The following DNAH17 variants were observed in gnomAD, a reference collection of about 807,000 sequenced individuals.
DNAH17 encodes the protein dynein axonemal heavy chain 17.
In DNAH17, 376 loss-of-function variants were observed where a neutral mutation model predicts 485.6. That is an observed-to-expected ratio of 0.77 (90% CI 0.71 to 0.84). The LOEUF (loss-of-function observed/expected upper bound fraction) is 0.84, where lower values mean the gene tolerates loss of function less well. Ranked by LOEUF, DNAH17 falls within the 40% of genes least tolerant of loss-of-function variation. The pLI is 0.00. For synonymous variants in DNAH17, 3,031 were observed against 2,405.9 expected, an observed-to-expected ratio of 1.26 and a Z score of -7.60; for missense variants, 6,370 against 5,839.3, an observed-to-expected ratio of 1.09 and a Z score of -2.96.
In DNAH17 at chr17:78,570,275, T is replaced by G; in HGVS notation, c.1016A>C (p.Gln339Pro). 1 of 1,593,948 alleles carries G rather than the reference T, an allele frequency of 6.3e-7. No homozygotes were observed. The highest frequency in any genetic ancestry group is 8.5e-7 in the Non-Finnish European group (1 of 1,170,460). The change falls in exon 7 of 81, where the codon CAG becomes CCG. Residue 339 changes from glutamine to proline, a missense_variant. Physicochemically the swap from Gln to Pro is moderately conservative, Grantham distance 76. Transcript: ENST00000389840. ...NTPARIIVIL[Q>P]EFCNQIIEMT... is the part of the protein sequence containing the mutation. ...CTCGATGATTTGGTTGCAGAACTCC[T>G]GCAGGATGACGATGATCCTGGCAGG... is the stretch of plus-strand genomic sequence containing the variant.
At chr17:78,514,352 A>C (rs181319721) in intron 26 of DNAH17, among the ~76,000 whole-genome samples, 2 of 151,918 alleles carry the variant, frequency 1.3e-5, no homozygotes, top group Non-Finnish European at 2.9e-5. Context: ...TAAAAATACA[A>C]AAATTAGCTG....
chr17:78,456,483 A>T (rs1197120733), intron 62 of DNAH17, among the ~76,000 whole-genome samples: 1 of 152,158 alleles, frequency 6.6e-6, no homozygotes, highest in Non-Finnish European at 1.5e-5. Flanking sequence ...GATACCACAG[A>T]GCACTGTCTC....
intron 80 of DNAH17, chr17:78,425,059 G>A (rs1383574793): frequency 2.3e-5 from 7 of 299,046 alleles, no homozygotes; most frequent in East Asian, 1.3e-4. Flanking sequence ...TTTTCATCAC[G>A]TCGGAGCTGC....
At chr17:78,514,680 C>CT in intron 26 of DNAH17, 94 bp downstream of exon 26, 1 of 1,493,824 alleles carries the variant, frequency 6.7e-7, no homozygotes, top group Non-Finnish European at 8.9e-7. Flanking sequence ...GCATCGGGCC[C>CT]TGAACACCTT....
chr17:78,506,837 G>T lies in DNAH17; in HGVS notation c.4686C>A (p.Ile1562=). ...AATACTCTGCCAAAGCCTTTTCACAGATGGCCAAGCTGGGAGGAAGGAAGG... is the reference window on the plus strand; with the variant it reads ...AATACTCTGCCAAAGCCTTTTCACATATGGCCAAGCTGGGAGGAAGGAAGG... ...KLEALKKSLA[I]CEKALAEYLE... The change falls in exon 30 of 81, where the codon ATC becomes ATA. Residue 1562 remains isoleucine, a synonymous_variant. Transcript: ENST00000389840. 5 of 1,613,972 alleles carry T rather than the reference G, an allele frequency of 3.1e-6. No homozygotes were observed. The highest frequency in any genetic ancestry group is 4.2e-6 in the Non-Finnish European group (5 of 1,179,876).
At chr17:78,441,781 A>C (rs913665106) in intron 71 of DNAH17, among the ~76,000 whole-genome samples, 8 of 152,104 alleles carry the variant, frequency 5.3e-5, no homozygotes, top group Non-Finnish European at 1.2e-4. Context: ...AGAATGAATC[A>C]CCTGAGCTAA....
chr17:78,571,653 C>G lies in DNAH17; in HGVS notation c.669G>C (p.Leu223=). Residue 223 remains leucine, a synonymous_variant, in exon 4 of 81, where the codon CTG becomes CTC. Transcript: ENST00000389840. ...AQALLDGLHP[L]PQVEFEFWDT... is the part of the protein sequence containing the mutation. ...CCCAGAACTCGAACTCCACTTGGGGCAGGGGGTGCAGCCCATCCAGCAGCG... is the reference window on the plus strand; with the variant it reads ...CCCAGAACTCGAACTCCACTTGGGGGAGGGGGTGCAGCCCATCCAGCAGCG... The G allele has an allele frequency of 6.2e-7, 1 of 1,614,018 alleles. No individual in the cohort carries two copies. Among genetic ancestry groups the G allele is most frequent in the Non-Finnish European group, 8.5e-7 (1 of 1,179,902 alleles).
rs540128532 is a variant in DNAH17, at chr17:78,543,248, G to A, written c.2532+609C>T. 8.2e-4 allele frequency among the ~76,000 whole-genome samples: 125 copies of A among 152,256 alleles called. 1 individual carries two copies. The highest frequency in any genetic ancestry group is 2.9e-3 in the African/African-American group (119 of 41,546). Reference sequence around the variant, plus strand: ...TCCTGCCTCAGCCTCCCGAGTAGCTGGGATTACAGGCATGTGCCAACGTGC... The same window carrying A: ...TCCTGCCTCAGCCTCCCGAGTAGCTAGGATTACAGGCATGTGCCAACGTGC... On this transcript the variant is annotated intron_variant, in intron 17 of 80. Coordinates refer to ENST00000389840, the MANE Select transcript of DNAH17 (RefSeq NM_173628.4).
intron 54 of DNAH17, among the ~76,000 whole-genome samples, chr17:78,471,411 T>C (rs1465483430): frequency 6.6e-6 from 1 of 152,230 alleles, no homozygotes; most frequent in Non-Finnish European, 1.5e-5. Context: ...GAGCGTAGTG[T>C]GAGAGCCAGC....
In DNAH17 at chr17:78,484,864, T is replaced by C. The variant is rs1386096239; in HGVS notation, c.7649+4A>G. 66 of 1,545,772 alleles carry C rather than the reference T, an allele frequency of 4.3e-5. No homozygotes were observed. The highest frequency in any genetic ancestry group is 5.4e-5 in the Non-Finnish European group (62 of 1,144,182). On this transcript the variant is annotated splice_donor_region_variant and intron_variant, in intron 48 of 80. Coordinates refer to ENST00000389840, the MANE Select transcript of DNAH17 (RefSeq NM_173628.4). ...CCTTCCCCTCCGGCCCCGCCCCGTC[T>C]AACCAGTGCCGGTGGTCCATGTGCT...
intron 26 of DNAH17, among the ~76,000 whole-genome samples, chr17:78,511,627 C>T (rs1226552668): frequency 6.6e-6 from 1 of 152,238 alleles, no homozygotes; most frequent in Non-Finnish European, 1.5e-5. Context: ...CAAATCGCTT[C>T]CACGTCCCTT....
At position 78,502,745 on chromosome 17, in the gene DNAH17, C is replaced by T. The variant is rs181122351; in HGVS notation, c.5083-47G>A. 314 of 1,597,562 alleles carry T rather than the reference C, an allele frequency of 2.0e-4. 3 individuals are homozygous for T. In the African/African-American group the frequency reaches 2.4e-3, roughly 12 times the overall value. ...TGCCCACGCAGTGAGCGATCGCTGG[C>T]GCCTGCTAACGCAGACATTCCTGCT... is the stretch of plus-strand genomic sequence containing the variant. On this transcript the variant is annotated intron_variant, in intron 32 of 80. Transcript: ENST00000389840.
At chr17:78,438,445 G>GGAGGAGGAGGAGGGAGGA (rs1473139795) in intron 73 of DNAH17, among the ~76,000 whole-genome samples, 4 of 7,594 alleles carry the variant, frequency 5.3e-4, no homozygotes, top group Non-Finnish European at 1.1e-3. Flanking sequence ...AGGAGGAGGA[G>GGAGGAGGAGGAGGGAGGA]GGAGGAGGGA....
chr17:78,527,059 G>A, intron 22 of DNAH17, 63 bp from the exon 23 acceptor site: 1 of 1,358,110 alleles, frequency 7.4e-7, no homozygotes, highest in South Asian at 1.3e-5. Context: ...CTTCTATTGT[G>A]AAATAATTAG....
At chr17:78,544,923 A>G (rs953219578) in intron 16 of DNAH17, among the ~76,000 whole-genome samples, 1 of 151,580 alleles carries the variant, frequency 6.6e-6, no homozygotes, top group Non-Finnish European at 1.5e-5. Flanking sequence ...TGATACATAT[A>G]TGGTAACAAA....
rs763159364 is a variant in DNAH17, at chr17:78,502,642, G to A, written c.5139C>T (p.Ala1713=). Residue 1713 remains alanine (A), a synonymous_variant, in exon 33 of 81, where the codon GCC becomes GCT. Coordinates refer to ENST00000389840, the MANE Select transcript of DNAH17 (RefSeq NM_173628.4). ...WWTTEVGLAF[A]RLEEGYENAI... is the part of the protein sequence containing the mutation. ...CGTTTTCATAGCCTTCCTCCAGCCT[G>A]GCAAATGCCAGGCCCACCTCGGTCG... 6.2e-7 allele frequency: 1 copy of A among 1,612,686 alleles called. No individual in the cohort carries two copies. The highest frequency in any genetic ancestry group is 1.3e-5 in the African/African-American group (1 of 74,952).
chr17:78,568,783 G>T (rs1011521806), intron 9 of DNAH17, among the ~76,000 whole-genome samples: 1 of 152,164 alleles, frequency 6.6e-6, no homozygotes, highest in Non-Finnish European at 1.5e-5. Flanking sequence ...TCTGCTGTGC[G>T]TCACTCCGTG....
chr17:78,440,308 G>A (rs2087024213), intron 72 of DNAH17, among the ~76,000 whole-genome samples: 1 of 139,290 alleles, frequency 7.2e-6, no homozygotes, highest in Admixed American at 7.6e-5. Flanking sequence ...CCAGGCTGGA[G>A]TGAAGTGGCT....
At chr17:78,427,560 C>A (rs1364781585) in intron 77 of DNAH17, among the ~76,000 whole-genome samples, 7 of 152,198 alleles carry the variant, frequency 4.6e-5, no homozygotes, top group African/African-American at 1.4e-4. Context: ...TGATTTCAGT[C>A]ATTAGACTAA....
Sources: allele counts gnomAD v4.1 joint callset (sites outside exome capture counted in the v4.1 genomes callset), GRCh38; gene constraint gnomAD v4.1.1; transcripts MANE v1.5; gene names NCBI Gene and HGNC (gene_info 2026-07-23, HGNC 2026-07-21).